ATP6V0A4: variants seen among roughly 807,000 people sequenced by gnomAD.
ATP6V0A4 encodes the protein ATPase H+ transporting V0 subunit a4, also known as V-type proton ATPase 116 kDa subunit a 4.
Under a neutral mutation model 107.3 loss-of-function variants are expected in ATP6V0A4, and 86 were observed. The ratio of observed to expected loss-of-function variants is 0.80; its 90% CI spans 0.67 to 0.96. The LOEUF (loss-of-function observed/expected upper bound fraction) is 0.96, where lower values mean the gene tolerates loss of function less well. ATP6V0A4 is among the 40% of genes least tolerant of loss of function. The pLI, the probability that ATP6V0A4 is intolerant of heterozygous loss-of-function variation, is 0.00. For synonymous variants in ATP6V0A4, 353 were observed against 381.4 expected (o/e 0.93, Z 0.87); for missense variants, 908 against 1,045.6 (o/e 0.87, Z 1.81).
At chr7:138,742,381 C>T (rs1246828804) in intron 14 of ATP6V0A4, among the ~76,000 whole-genome samples, 1 of 151,950 alleles carries the variant, frequency 6.6e-6, no homozygotes, top group Admixed American at 6.6e-5. Context: ...GAGCCAAAAT[C>T]GCACCATTGC....
intron 7 of ATP6V0A4, among the ~76,000 whole-genome samples, chr7:138,760,231 G>A (rs1289712367): frequency 6.6e-6 from 1 of 152,026 alleles, no homozygotes; most frequent in African/African-American, 2.4e-5. Flanking sequence ...ATCACCTGAG[G>A]TCAGGAGTTC....
rs145918842 is a variant in ATP6V0A4 at position 138,719,093 on chromosome 7, G to A, written c.2139+2804C>T. Among the ~76,000 whole-genome samples the A allele has an allele frequency of 7.9e-5, 12 of 152,286 alleles. No homozygotes were observed. In the East Asian group the frequency reaches 2.3e-3, roughly 29 times the overall value. On this transcript the variant is annotated intron_variant, in intron 19 of 21. Coordinates refer to ENST00000310018, the MANE Select transcript of ATP6V0A4 (RefSeq NM_020632.3). ...CCCAGCTACTCGGGAGGCTGAGGCA[G>A]GAAGATCGCTTGGGCTCAGGAGGTC...
chr7:138,730,789 A>T (rs1021787482), intron 17 of ATP6V0A4, among the ~76,000 whole-genome samples: 4 of 152,176 alleles, frequency 2.6e-5, no homozygotes, highest in Admixed American at 2.6e-4. Flanking sequence ...CGTTCAGTTC[A>T]TGTCAACATT....
At chr7:138,733,156 A>T in intron 16 of ATP6V0A4, 63 bp from the exon 17 acceptor site, 1 of 1,606,426 alleles carries the variant, frequency 6.2e-7, no homozygotes, top group South Asian at 1.1e-5. Flanking sequence ...GGACTTAATT[A>T]TTCTCTCAAA....
At chr7:138,765,593 T>G (rs1807047006) in intron 5 of ATP6V0A4, among the ~76,000 whole-genome samples, 2 of 152,184 alleles carry the variant, frequency 1.3e-5, no homozygotes, top group East Asian at 3.8e-4. Context: ...GCCATTGGTG[T>G]ACTCTTGCCA....
At chr7:138,758,633 C>T (rs958758897) in intron 8 of ATP6V0A4, among the ~76,000 whole-genome samples, 1 of 151,270 alleles carries the variant, frequency 6.6e-6, no homozygotes, top group South Asian at 2.1e-4. Context: ...CCCTTGAAGC[C>T]TTGTTGTTTG....
chr7:138,740,143 A>C (rs1007111673), intron 14 of ATP6V0A4, among the ~76,000 whole-genome samples: 1 of 151,316 alleles, frequency 6.6e-6, no homozygotes, highest in African/African-American at 2.4e-5. Context: ...CAGAAGGGGA[A>C]AGGGAAGGAA....
intron 17 of ATP6V0A4, among the ~76,000 whole-genome samples, chr7:138,730,171 G>A (rs530518511): frequency 1.3e-4 from 20 of 152,280 alleles, no homozygotes; most frequent in Admixed American, 9.1e-4. Context: ...GGCATGAGCC[G>A]CCGCGCCTGG....
At chr7:138,734,878 G>T (rs1562991140) in intron 15 of ATP6V0A4, among the ~76,000 whole-genome samples, 1 of 151,470 alleles carries the variant, frequency 6.6e-6, no homozygotes. Context: ...TAGCTCATTG[G>T]CCCATGAATG....
intron 18 of ATP6V0A4, among the ~76,000 whole-genome samples, chr7:138,725,670 C>T (rs929299988): frequency 7.2e-5 from 11 of 152,206 alleles, no homozygotes; most frequent in African/African-American, 2.4e-4. Context: ...CTCACCACCA[C>T]GCCGGCTAAT....
intron 9 of ATP6V0A4, 107 bp downstream of exon 9, chr7:138,756,351 G>A: frequency 1.9e-6 from 3 of 1,560,056 alleles, no homozygotes; most frequent in Non-Finnish European, 2.6e-6. Flanking sequence ...TTATTCTAAA[G>A]CCTTACTGAC....
At chr7:138,728,988 A>G in intron 17 of ATP6V0A4, 126 bp from the exon 18 acceptor site, 1 of 1,557,882 alleles carries the variant, frequency 6.4e-7, no homozygotes, top group Non-Finnish European at 8.7e-7. Context: ...AAGCATTTCA[A>G]TGAATCCATT....
chr7:138,769,234 G>A lies in ATP6V0A4; in HGVS notation c.135C>T (p.Asn45=). 6.2e-7 allele frequency: 1 copy of A among 1,610,364 alleles called. No homozygotes were observed. The highest frequency in any genetic ancestry group is 8.5e-7 in the Non-Finnish European group (1 of 1,179,598). ...VQFKDLNMNV[N]SFQRKFVNEV... is the part of the protein sequence containing the mutation. The stretch of plus-strand genomic sequence containing the variant: ...CATTCACAAATTTCCTTTGAAAGCT[G>A]TTCACATTCATATTTAACTATGGGG... Residue 45 remains asparagine (N), a synonymous_variant, in exon 4 of 22, where the codon AAC becomes AAT. Transcript: ENST00000310018.
chr7:138,728,527 G>A (rs529532826), intron 18 of ATP6V0A4, among the ~76,000 whole-genome samples: 4 of 152,168 alleles, frequency 2.6e-5, no homozygotes, highest in East Asian at 1.9e-4. Context: ...GCGACCAGCC[G>A]AGACATAAGG....
In ATP6V0A4 at chr7:138,739,673, C is replaced by A. The variant is rs773671824; in HGVS notation, c.1479-40G>T. On this transcript the variant is annotated intron_variant, in intron 14 of 21. Coordinates refer to ENST00000310018, the MANE Select transcript of ATP6V0A4 (RefSeq NM_020632.3). ...AAGGAGAAAAACAAACAATGATCAACCGGGGCAGAAAAGATACTATAATAC... is the reference window on the plus strand; with the variant it reads ...AAGGAGAAAAACAAACAATGATCAAACGGGGCAGAAAAGATACTATAATAC... 3.7e-6 allele frequency: 6 copies of A among 1,610,992 alleles called. No individual in the cohort carries two copies. The East Asian group carries it at 1.3e-4, about 36-fold the overall frequency.
intron 14 of ATP6V0A4, among the ~76,000 whole-genome samples, chr7:138,744,224 C>G (rs1417782676): frequency 1.3e-5 from 2 of 148,614 alleles, no homozygotes; most frequent in Non-Finnish European, 3.0e-5. Flanking sequence ...CAAAACCAAC[C>G]ATTTCCTCAT....
chr7:138,707,260 T>G (rs1803469144), intron 21 of ATP6V0A4, among the ~76,000 whole-genome samples: 1 of 88,734 alleles, frequency 1.1e-5, no homozygotes, highest in South Asian at 2.7e-4. Flanking sequence ...ATAGAATATA[T>G]ATTATATTAT....
intron 20 of ATP6V0A4, among the ~76,000 whole-genome samples, chr7:138,712,493 T>G (rs1443709417): frequency 6.6e-6 from 1 of 152,168 alleles, no homozygotes; most frequent in East Asian, 1.9e-4. Flanking sequence ...GGCTAACTAC[T>G]AGGACCACTG....
intron 14 of ATP6V0A4, among the ~76,000 whole-genome samples, chr7:138,740,406 G>A (rs1413316892): frequency 6.7e-6 from 1 of 149,988 alleles, no homozygotes; most frequent in Non-Finnish European, 1.5e-5. Context: ...AAGAATGGAT[G>A]TCAATGGGAA....
Sources: allele counts gnomAD v4.1 joint callset (sites outside exome capture counted in the v4.1 genomes callset), GRCh38; gene constraint gnomAD v4.1.1; transcripts MANE v1.5; gene names NCBI Gene and HGNC (gene_info 2026-07-23, HGNC 2026-07-21).